The following CRACR2B variants were observed in gnomAD, a reference collection of about 807,000 sequenced individuals.
CRACR2B encodes EF-hand calcium-binding domain-containing protein 4A.
A neutral mutation model predicts 46.0 loss-of-function variants in CRACR2B; 50 were observed. The observed-to-expected ratio is 1.09, with a 90% CI of 0.87 to 1.38. The LOEUF is 1.38. Ranked by LOEUF, CRACR2B falls within the 40% of genes most tolerant of loss-of-function variation. The pLI is 0.00. For synonymous variants in CRACR2B, 277 were observed against 239.6 expected, an observed-to-expected ratio of 1.16 and a Z score of -1.44; for missense variants, 667 against 535.0, an observed-to-expected ratio of 1.25 and a Z score of -2.43.
intron 2 of CRACR2B, 184 bp from the exon 3 acceptor site, chr11:829,176 A>G: frequency 7.4e-7 from 1 of 1,343,938 alleles, no homozygotes; most frequent in Non-Finnish European, 1.0e-6. Flanking sequence ...CTCCTGTGCT[A>G]AGCTCCGGTA....
chr11:830,982 G>C lies in CRACR2B; in HGVS notation c.903G>C (p.Gln301His). ...LRTQLEGAQE[Q>H]IRRLESEARG... is the part of the protein sequence containing the mutation. ...CGCAGCTGGAGGGGGCGCAGGAGCA[G>C]ATCCGCAGGCTGGAGAGCGAAGCAC... The change falls in exon 7 of 9, where the codon CAG becomes CAC. Residue 301 changes from glutamine to histidine, a missense_variant. Gln to His is a conservative substitution (Grantham distance 24). Transcript: ENST00000525077. The C allele has an allele frequency of 1.3e-6, 2 of 1,533,828 alleles. No homozygotes were observed. Among genetic ancestry groups the C allele is most frequent in the East Asian group, 2.4e-5 (1 of 40,906 alleles).
At position 828,902 on chromosome 11, in the gene CRACR2B, T is replaced by C. The variant is rs534373499; in HGVS notation, c.216T>C (p.Phe72=). The C allele has an allele frequency of 7.5e-6, 12 of 1,609,548 alleles. No individual in the cohort carries two copies. In the South Asian group the frequency reaches 9.9e-5, roughly 13 times the overall value. Residue 72 remains phenylalanine, a synonymous_variant, in exon 2 of 9, where the codon TTT becomes TTC. Coordinates refer to ENST00000525077, the MANE Select transcript of CRACR2B (RefSeq NM_001286606.2). The stretch of plus-strand genomic sequence containing the variant: ...CGCCAGAGCAGCTGGAGGCTGTGTT[T>C]GAAAGTCTGGACCGGGCTCACACTG... ...PLTPEQLEAV[F]ESLDRAHTGF...
chr11:831,115 T>G (rs773495170), intron 7 of CRACR2B, 83 bp downstream of exon 7: 1 of 1,569,720 alleles, frequency 6.4e-7, no homozygotes, highest in South Asian at 1.2e-5. Flanking sequence ...GCCACTTTCA[T>G]CCCCATCTCA....
chr11:827,519 C>T, upstream of CRACR2B: 1 of 983,844 alleles, frequency 1.0e-6, no homozygotes, highest in South Asian at 4.7e-5. Context: ...CGCCCCACCC[C>T]ACCAGCCCAT....
At chr11:831,193 C>G (rs763680224) in intron 7 of CRACR2B, 31 bp from the exon 8 acceptor site, 10 of 1,610,850 alleles carry the variant, frequency 6.2e-6, no homozygotes, top group African/African-American at 2.7e-5. Context: ...AGGAGCCTTC[C>G]TGCAGCCGGG....
At position 831,098 on chromosome 11, in the gene CRACR2B, G is replaced by C. The variant is rs528510247; in HGVS notation, c.953+66G>C. Reference sequence around the variant, plus strand: ...CGGGGGCGGGGCCGACGGGCGCTCAGGTCTGGGCCACTTTCATCCCCATCT... The same window carrying C: ...CGGGGGCGGGGCCGACGGGCGCTCACGTCTGGGCCACTTTCATCCCCATCT... On this transcript the variant is annotated intron_variant, in intron 7 of 8. Coordinates refer to ENST00000525077, the MANE Select transcript of CRACR2B (RefSeq NM_001286606.2). 844 of 1,552,840 alleles carry C rather than the reference G, an allele frequency of 5.4e-4. 14 individuals are homozygous for C. The South Asian group carries it at 9.2e-3, about 17-fold the overall frequency.
At position 831,047 on chromosome 11, in the gene CRACR2B, G is replaced by T; in HGVS notation, c.953+15G>T. The T allele has an allele frequency of 3.3e-6, 5 of 1,535,496 alleles. No homozygotes were observed. Among genetic ancestry groups the T allele is most frequent in the Non-Finnish European group, 4.4e-6 (5 of 1,146,134 alleles). On this transcript the variant is annotated intron_variant, in intron 7 of 8. Coordinates refer to ENST00000525077, the MANE Select transcript of CRACR2B (RefSeq NM_001286606.2). ...CAAACCCAACGGTGCCGTGGGACGG[G>T]GCTGGGCGGGCCCCGGTGCGTGTCC...
upstream of CRACR2B, chr11:827,562 G>T: frequency 7.1e-6 from 7 of 984,988 alleles, no homozygotes; most frequent in Non-Finnish European, 8.4e-6. Flanking sequence ...GCTGCCGCGC[G>T]GCTTCCGGCT....
rs764543928 is a variant in CRACR2B at position 828,666 on chromosome 11, AG to A, written c.65del (p.Gly22AlafsTer136). ...GCCCAGGAGGAGGAGGGGGAACTCG[AG>A]GGGGGCTCTGCAGGGCCGCGGGCTG... The part of the protein sequence containing the change: ...DEAQEEEGEL[E>X]GGSAGPRAAI... On this transcript the variant is annotated frameshift_variant, in exon 1 of 9. Coordinates refer to ENST00000525077, the MANE Select transcript of CRACR2B (RefSeq NM_001286606.2). LOFTEE classifies it high-confidence loss of function. 4.4e-6 allele frequency: 7 copies of A among 1,608,516 alleles called. No homozygotes were observed. The highest frequency in any genetic ancestry group is 1.7e-4 in the Middle Eastern group (1 of 5,960).
At chr11:826,709 G>C (rs940582081), upstream of CRACR2B, among the ~76,000 whole-genome samples, 6 of 151,386 alleles carry the variant, frequency 4.0e-5, no homozygotes, top group Non-Finnish European at 5.9e-5. Context: ...ATTTTTAGTA[G>C]AGACGGGGTT....
rs1388794776 is a variant in CRACR2B at position 830,281 on chromosome 11, G to A, written c.637G>A (p.Ala213Thr). ...GAGCGAGCACGAGAGGGAGGTGCGC[G>A]CTCTGTACGAGGAGACGGAGCAGCT... ...RESEHEREVR[A>T]LYEETEQLRE... is the part of the protein sequence containing the mutation. Residue 213 changes from alanine (A) to threonine (T), a missense_variant, in exon 5 of 9, where the codon GCT (alanine) becomes ACT (threonine). Physicochemically the swap from Ala to Thr is moderately conservative, Grantham distance 58 (BLOSUM62 0). Coordinates refer to ENST00000525077, the MANE Select transcript of CRACR2B (RefSeq NM_001286606.2). 6.6e-7 allele frequency: 1 copy of A among 1,525,600 alleles called. No individual in the cohort carries two copies. The highest frequency in any genetic ancestry group is 1.2e-5 in the South Asian group (1 of 83,392). 94.5% of individuals were successfully genotyped at this position (1,525,600 alleles called of 1,614,324 possible). A position where few individuals can be genotyped will look rare whatever the true frequency, so the allele number is the denominator to read the frequency against.
Position 828,401 on chromosome 11 carries a change from C to A in CRACR2B, c.-207C>A. The A allele has an allele frequency of 1.7e-6, 1 of 592,200 alleles. No individual in the cohort carries two copies. The allele number at this position is 592,200 out of a possible 1,614,324, so 36.7% of individuals were successfully genotyped here. A position where few individuals can be genotyped will look rare whatever the true frequency, so the allele number is the denominator to read the frequency against. ...CAGGCCCTGAGCCTACATCAACCACCCCAGTGACACCCCAAGCCTGCAGCA... is the reference window on the plus strand; with the variant it reads ...CAGGCCCTGAGCCTACATCAACCACACCAGTGACACCCCAAGCCTGCAGCA... On this transcript the variant is annotated 5_prime_UTR_variant, in exon 1 of 9. Coordinates refer to ENST00000525077, the MANE Select transcript of CRACR2B (RefSeq NM_001286606.2).
chr11:829,241 G>T, intron 2 of CRACR2B, 119 bp from the exon 3 acceptor site: 1 of 1,473,690 alleles, frequency 6.8e-7, no homozygotes. Flanking sequence ...ACCAGAATAA[G>T]GAAGGAAAAC....
chr11:831,990 C>T (rs1286776815), downstream of CRACR2B: 14 of 471,680 alleles, frequency 3.0e-5, no homozygotes, highest in Middle Eastern at 5.3e-4. Context: ...GACTGCACTG[C>T]GTCCTCCTGG....
intron 5 of CRACR2B, 22 bp from the exon 6 acceptor site, chr11:830,584 GGCCGGCGGAGGCTCA>G (rs1846326423): frequency 6.5e-7 from 1 of 1,547,688 alleles, no homozygotes. Context: ...ATGGCCGAGC[GGCCGGCGGAGGCTCA>G]GTGGTCCTCC....
Position 829,400 on chromosome 11 carries a change from C to G in CRACR2B, c.318C>G (p.Pro106=). ...TGGCGTCAGCCCAGGGAGCGAACCC[C>G]TGCAGGACTCCCGAGGAGACCTTTG... ...VGVASAQGAN[P]CRTPEETFES... The change falls in exon 3 of 9, where the codon CCC becomes CCG. Residue 106 remains proline, a synonymous_variant. Coordinates refer to ENST00000525077, the MANE Select transcript of CRACR2B (RefSeq NM_001286606.2). 1.2e-6 allele frequency: 2 copies of G among 1,611,178 alleles called. No individual in the cohort carries two copies. Among genetic ancestry groups the G allele is most frequent in the Non-Finnish European group, 1.7e-6 (2 of 1,179,316 alleles).
chr11:828,402 C>T lies in CRACR2B; in HGVS notation c.-206C>T, dbSNP rs1846070042. The T allele has an allele frequency of 8.4e-6, 5 of 593,668 alleles. No individual in the cohort carries two copies. Among genetic ancestry groups the T allele is most frequent in the Middle Eastern group, 8.9e-4 (2 of 2,248 alleles). The allele number at this position is 593,668 out of a possible 1,614,324, so 36.8% of individuals were successfully genotyped here. A position where few individuals can be genotyped will look rare whatever the true frequency, so the allele number is the denominator to read the frequency against. The stretch of plus-strand genomic sequence containing the variant: ...AGGCCCTGAGCCTACATCAACCACC[C>T]CAGTGACACCCCAAGCCTGCAGCAT... On this transcript the variant is annotated 5_prime_UTR_variant, in exon 1 of 9. Transcript: ENST00000525077.
chr11:830,759 C>G, intron 6 of CRACR2B, 46 bp downstream of exon 6: 1 of 1,494,320 alleles, frequency 6.7e-7, no homozygotes, highest in South Asian at 1.3e-5. Context: ...CCCGTGCACT[C>G]TCCCCCTGTG....
rs780204422 is a variant in CRACR2B, at chr11:830,081, G to T, written c.554G>T (p.Cys185Phe). The T allele has an allele frequency of 6.5e-7, 1 of 1,547,536 alleles. No homozygotes were observed. The highest frequency in any genetic ancestry group is 1.9e-5 in the Admixed American group (1 of 52,438). The change falls in exon 4 of 9, where the codon TGC becomes TTC. Residue 185 changes from cysteine (C) to phenylalanine (F), a missense_variant. Transcript: ENST00000525077. The stretch of plus-strand genomic sequence containing the variant: ...GATGTTCTGATACGCGCGTCGGCCT[G>T]CCTGGAGGAGGCGGCCCGGGAGCGC... ...FEDVLIRASA[C>F]LEEAARERDG...
Sources: gnomAD v4.1 joint callset for allele counts (sites outside exome capture counted in the v4.1 genomes callset) on GRCh38, gnomAD v4.1.1 for gene constraint, MANE v1.5 for transcripts, NCBI Gene and HGNC (gene_info 2026-07-23, HGNC 2026-07-21) for gene names.